UBE2E2: variants seen among roughly 807,000 people sequenced by gnomAD.
UBE2E2 encodes the protein ubiquitin conjugating enzyme E2 E2, also known as ubiquitin-conjugating enzyme E2 E2.
A neutral mutation model predicts 24.7 loss-of-function variants in UBE2E2; 6 were observed. That is an observed-to-expected ratio of 0.24 (90% CI 0.13 to 0.48). The LOEUF (loss-of-function observed/expected upper bound fraction) is 0.48. Ranked by LOEUF, UBE2E2 falls within the 20% of genes least tolerant of loss-of-function variation. UBE2E2 has a pLI of 0.99. For synonymous variants in UBE2E2, 104 were observed against 83.6 expected (o/e 1.24, Z -1.33); for missense variants, 169 against 245.0 (o/e 0.69, Z 2.07).
intron 3 of UBE2E2, among the ~76,000 whole-genome samples, chr3:23,347,495 T>C (rs143743491): frequency 1.3e-5 from 2 of 151,544 alleles, no homozygotes; most frequent in Non-Finnish European, 2.9e-5. Flanking sequence ...TAAGTGGGAG[T>C]TGAACAATGA....
intron 3 of UBE2E2, among the ~76,000 whole-genome samples, chr3:23,409,270 T>C (rs1251769771): frequency 1.3e-5 from 2 of 152,164 alleles, no homozygotes; most frequent in Non-Finnish European, 2.9e-5. Context: ...AGTTAGCTCT[T>C]AGAAAACAGG....
chr3:23,414,537 G>T (rs1476611345), intron 3 of UBE2E2, among the ~76,000 whole-genome samples: 1 of 152,194 alleles, frequency 6.6e-6, no homozygotes, highest in Non-Finnish European at 1.5e-5. Flanking sequence ...CATGAGATTT[G>T]GGTGGGGACA....
At chr3:23,342,050 A>G (rs1695404011) in intron 3 of UBE2E2, among the ~76,000 whole-genome samples, 1 of 152,268 alleles carries the variant, frequency 6.6e-6, no homozygotes, top group Admixed American at 6.5e-5. Flanking sequence ...TGTATTGTTT[A>G]CAGTGGAGAC....
chr3:23,359,119 TC>T (rs1696045028), intron 3 of UBE2E2, among the ~76,000 whole-genome samples: 1 of 152,206 alleles, frequency 6.6e-6, no homozygotes, highest in Non-Finnish European at 1.5e-5. Flanking sequence ...TTACCTTTTT[TC>T]AGATTCTTTA....
intron 4 of UBE2E2, among the ~76,000 whole-genome samples, chr3:23,519,111 T>C (rs921424698): frequency 6.6e-6 from 1 of 152,184 alleles, no homozygotes; most frequent in Non-Finnish European, 1.5e-5. Flanking sequence ...TCCAATCTTA[T>C]TTTCTAACCA....
At chr3:23,479,993 C>A (rs1163818479) in intron 3 of UBE2E2, among the ~76,000 whole-genome samples, 1 of 152,180 alleles carries the variant, frequency 6.6e-6, no homozygotes, top group Non-Finnish European at 1.5e-5. Context: ...GAACTGGCAG[C>A]CCAGCCCACA....
chr3:23,348,731 T>G (rs1158038605), intron 3 of UBE2E2, among the ~76,000 whole-genome samples: 1 of 152,004 alleles, frequency 6.6e-6, no homozygotes, highest in African/African-American at 2.4e-5. Context: ...ATCTTAGAGG[T>G]GAAACAAAAT....
chr3:23,422,293 C>T (rs1380478861), intron 3 of UBE2E2, among the ~76,000 whole-genome samples: 5 of 152,134 alleles, frequency 3.3e-5, no homozygotes, highest in Middle Eastern at 3.4e-3. Flanking sequence ...TTTTAGATAA[C>T]ATGGGCAGGT....
At chr3:23,322,740 A>G (rs1694779005) in intron 3 of UBE2E2, among the ~76,000 whole-genome samples, 1 of 152,046 alleles carries the variant, frequency 6.6e-6, no homozygotes, top group Admixed American at 6.6e-5. Context: ...AAAAACCATA[A>G]TACTTCCAAA....
chr3:23,258,901 A>G (rs28564523), intron 3 of UBE2E2, among the ~76,000 whole-genome samples: 1 of 27,370 alleles, frequency 3.7e-5, no homozygotes, highest in African/African-American at 3.9e-4. Flanking sequence ...TCAAAAAAAG[A>G]AAAAAAAAAA....
intron 3 of UBE2E2, among the ~76,000 whole-genome samples, chr3:23,302,880 C>G (rs952670065): frequency 4.6e-5 from 7 of 152,158 alleles, no homozygotes; most frequent in African/African-American, 1.7e-4. Context: ...TAGTAACTAA[C>G]AACTGCTTCC....
chr3:23,487,627 A>G (rs531131362), intron 3 of UBE2E2, among the ~76,000 whole-genome samples: 1 of 152,294 alleles, frequency 6.6e-6, no homozygotes, highest in Admixed American at 6.5e-5. Flanking sequence ...GCTCACATCA[A>G]CTTTCTGGAG....
chr3:23,359,654 A>G (rs919201287), intron 3 of UBE2E2, among the ~76,000 whole-genome samples: 2 of 152,054 alleles, frequency 1.3e-5, no homozygotes, highest in African/African-American at 4.8e-5. Flanking sequence ...TTTCTCTGGA[A>G]ATTTCTAATG....
chr3:23,213,712 A>G (rs1696390269), intron 2 of UBE2E2, among the ~76,000 whole-genome samples: 1 of 152,132 alleles, frequency 6.6e-6, no homozygotes, highest in South Asian at 2.1e-4. Context: ...TAGCAAGATA[A>G]TAGTTCTCCA....
intron 4 of UBE2E2, among the ~76,000 whole-genome samples, chr3:23,514,175 GTCAATACCTTCTCATTGT>G (rs1433287311): frequency 6.6e-6 from 1 of 152,158 alleles, no homozygotes; most frequent in Non-Finnish European, 1.5e-5. Flanking sequence ...TCTTCATGTG[GTCAATACCTTCTCATTGT>G]TCAGGACTGT....
intron 3 of UBE2E2, among the ~76,000 whole-genome samples, chr3:23,347,429 C>T (rs191798044): frequency 1.8e-3 from 272 of 152,288 alleles, no homozygotes; most frequent in Non-Finnish European, 3.2e-3. Context: ...TGGAAACCCT[C>T]ATTCTAAGCA....
chr3:23,530,616 T>C (rs563669826), intron 4 of UBE2E2, among the ~76,000 whole-genome samples: 1 of 152,202 alleles, frequency 6.6e-6, no homozygotes, highest in Non-Finnish European at 1.5e-5. Flanking sequence ...GAAAAACATT[T>C]CTCTTCTCAT....
chr3:23,571,889 C>A (rs1696240773), intron 5 of UBE2E2, among the ~76,000 whole-genome samples: 1 of 152,206 alleles, frequency 6.6e-6, no homozygotes, highest in Admixed American at 6.5e-5. Context: ...ACAAACTACA[C>A]TCCCAAGGTA....
At chr3:23,478,764 G>A (rs1237119265) in intron 3 of UBE2E2, among the ~76,000 whole-genome samples, 1 of 152,074 alleles carries the variant, frequency 6.6e-6, no homozygotes, top group African/African-American at 2.4e-5. Context: ...TAAGAGGTGA[G>A]TCATGATGGC....
Sources: gnomAD v4.1 joint callset for allele counts (sites outside exome capture counted in the v4.1 genomes callset) on GRCh38, gnomAD v4.1.1 for gene constraint, MANE v1.5 for transcripts, NCBI Gene and HGNC (gene_info 2026-07-23, HGNC 2026-07-21) for gene names.